Variants in KLHL18 observed in about 807,000 individuals in gnomAD.
KLHL18 encodes the protein kelch like family member 18.
A neutral mutation model predicts 58.5 loss-of-function variants in KLHL18; 38 were observed. The observed-to-expected ratio is 0.65, with a 90% CI of 0.50 to 0.85. The LOEUF (loss-of-function observed/expected upper bound fraction) is 0.85, where lower values mean the gene tolerates loss of function less well. KLHL18 is among the 40% of genes least tolerant of loss of function. KLHL18 has a pLI of 0.00. For synonymous variants in KLHL18, 303 were observed against 301.9 expected (o/e 1.00, Z -0.04); for missense variants, 624 against 778.4 (o/e 0.80, Z 2.36).
intron 8 of KLHL18, among the ~76,000 whole-genome samples, chr3:47,340,950 A>C (rs1252788094): frequency 2.0e-5 from 3 of 152,172 alleles, no homozygotes; most frequent in African/African-American, 4.8e-5. Context: ...TTTAATGGAA[A>C]TACAGGCAAG....
At chr3:47,316,296 G>C (rs747776534) in intron 1 of KLHL18, among the ~76,000 whole-genome samples, 4 of 151,748 alleles carry the variant, frequency 2.6e-5, no homozygotes, top group Admixed American at 6.6e-5. Context: ...CATACTTAGA[G>C]TTAGGATTCA....
intron 9 of KLHL18, 30 bp downstream of exon 9, chr3:47,342,860 T>C (rs753068537): frequency 2.7e-6 from 4 of 1,460,456 alleles, no homozygotes; most frequent in East Asian, 2.3e-5. Context: ...GGGATAAGGG[T>C]ACCTACTTCT....
rs539548204 is a variant in KLHL18 at position 47,340,507 on chromosome 3, TG to T, written c.1122-62del. The T allele has an allele frequency of 1.5e-5, 24 of 1,608,562 alleles. No homozygotes were observed. In the African/African-American group the frequency reaches 3.1e-4, roughly 21 times the overall value. ...GGCAATTGATAGGTTTGTTTCTCAG[TG>T]GGCAAGAGAGGCTGCTCCAGGAAGG... is the stretch of plus-strand genomic sequence containing the variant. On this transcript the variant is annotated intron_variant, in intron 7 of 9. Coordinates refer to ENST00000232766, the MANE Select transcript of KLHL18 (RefSeq NM_025010.5).
chr3:47,305,334 G>GT (rs397744565), intron 1 of KLHL18, among the ~76,000 whole-genome samples: 31,759 of 70,458 alleles, frequency 0.45, 8,369 homozygotes, highest in Non-Finnish European at 0.54. Context: ...ATTTTGTCAA[G>GT]TTTTTTTTTT....
intron 4 of KLHL18, among the ~76,000 whole-genome samples, chr3:47,332,059 C>T (rs1409375201): frequency 1.3e-5 from 2 of 152,074 alleles, no homozygotes; most frequent in Non-Finnish European, 2.9e-5. Context: ...AGGTTAGAAA[C>T]TTAAGGAAGG....
At chr3:47,310,850 C>T (rs1186502202) in intron 1 of KLHL18, among the ~76,000 whole-genome samples, 4 of 152,182 alleles carry the variant, frequency 2.6e-5, no homozygotes, top group Non-Finnish European at 4.4e-5. Flanking sequence ...CCCACTGCCA[C>T]CATCCAGGCC....
intron 1 of KLHL18, among the ~76,000 whole-genome samples, chr3:47,302,613 G>C (rs1209414465): frequency 6.6e-6 from 1 of 152,350 alleles, no homozygotes; most frequent in African/African-American, 2.4e-5. Context: ...AGGAGGAAGA[G>C]AAGGGTTGGT....
At position 47,316,734 on chromosome 3, in the gene KLHL18, T is replaced by TGTATATGTATATATGTGTATATATAC. The variant is rs1559495908; in HGVS notation, c.130-2919_130-2918insGTATATGTATATATGTGTATATATAC. Among the ~76,000 whole-genome samples the TGTATATGTATATATGTGTATATATAC allele has an allele frequency of 1.4e-3, 14 of 10,312 alleles. 6 individuals carry two copies. Among genetic ancestry groups the TGTATATGTATATATGTGTATATATAC allele is most frequent in the East Asian group, 6.1e-3 (3 of 494 alleles). 6.8% of individuals were successfully genotyped at this position (10,312 alleles called of 152,430 possible). A position where few individuals can be genotyped will look rare whatever the true frequency, so the allele number is the denominator to read the frequency against. On this transcript the variant is annotated intron_variant, in intron 1 of 9. Coordinates refer to ENST00000232766, the MANE Select transcript of KLHL18 (RefSeq NM_025010.5). The stretch of plus-strand genomic sequence containing the variant: ...ATATATGTATATGTGTGTGTATATA[T>TGTATATGTATATATGTGTATATATAC]ACATATATACGTATATATGTATATG...
At chr3:47,284,248 C>G (rs1018374570) in intron 1 of KLHL18, among the ~76,000 whole-genome samples, 1 of 151,584 alleles carries the variant, frequency 6.6e-6, no homozygotes, top group Admixed American at 6.6e-5. Context: ...TTCTCTCTGT[C>G]TCTCTCACAC....
chr3:47,331,786 T>A (rs1230663428), intron 4 of KLHL18, among the ~76,000 whole-genome samples: 1 of 151,100 alleles, frequency 6.6e-6, no homozygotes, highest in Non-Finnish European at 1.5e-5. Flanking sequence ...ATTTGACTGC[T>A]GTTGGGAGTT....
At chr3:47,326,618 G>C (rs979512303) in intron 3 of KLHL18, among the ~76,000 whole-genome samples, 2 of 152,134 alleles carry the variant, frequency 1.3e-5, no homozygotes, top group African/African-American at 4.8e-5. Flanking sequence ...GCCCAGTTCA[G>C]TTAAGAAGGT....
intron 1 of KLHL18, among the ~76,000 whole-genome samples, chr3:47,288,884 T>C (rs1270785576): frequency 6.6e-6 from 1 of 152,230 alleles, no homozygotes; most frequent in African/African-American, 2.4e-5. Flanking sequence ...TCATCCCTTC[T>C]TCCCAGCGTT....
At chr3:47,318,351 C>G (rs1703505531) in intron 1 of KLHL18, among the ~76,000 whole-genome samples, 1 of 152,174 alleles carries the variant, frequency 6.6e-6, no homozygotes, top group African/African-American at 2.4e-5. Context: ...ATATGGGCCT[C>G]TCTTAAGGAT....
At chr3:47,339,571 A>T (rs1704061600) in intron 7 of KLHL18, among the ~76,000 whole-genome samples, 1 of 152,224 alleles carries the variant, frequency 6.6e-6, no homozygotes, top group Admixed American at 6.5e-5. Flanking sequence ...GAGCTGTGGC[A>T]TCAGCCACTA....
At chr3:47,300,742 T>C (rs1703007769) in intron 1 of KLHL18, among the ~76,000 whole-genome samples, 1 of 149,938 alleles carries the variant, frequency 6.7e-6, no homozygotes, top group African/African-American at 2.5e-5. Context: ...CAGGTTCAAG[T>C]GATTCTCCAG....
In KLHL18 at chr3:47,342,821, C is replaced by T; in HGVS notation, c.1329C>T (p.Ile443=). The change falls in exon 9 of 10, where the codon ATC becomes ATT. Residue 443 remains isoleucine, a synonymous_variant. Coordinates refer to ENST00000232766, the MANE Select transcript of KLHL18 (RefSeq NM_025010.5). ...CAGGCGGCCATGATGGTTTGCAGAT[C>T]TTCAGCAGTGTGAGTCTGGGCTCCC... ...YVSGGHDGLQ[I]FSSVEHYNHH... is the part of the protein sequence containing the mutation. 1 of 1,613,008 alleles carries T rather than the reference C, an allele frequency of 6.2e-7. No homozygotes were observed. Among genetic ancestry groups the T allele is most frequent in the Non-Finnish European group, 8.5e-7 (1 of 1,178,940 alleles).
chr3:47,291,868 G>T (rs764015059), intron 1 of KLHL18, among the ~76,000 whole-genome samples: 39 of 152,216 alleles, frequency 2.6e-4, no homozygotes, highest in Non-Finnish European at 4.8e-4. Context: ...AAGTAACATA[G>T]AAGTTACTGT....
intron 1 of KLHL18, among the ~76,000 whole-genome samples, chr3:47,293,135 G>T (rs905293191): frequency 6.6e-6 from 1 of 152,138 alleles, no homozygotes; most frequent in Admixed American, 6.5e-5. Context: ...GGAGGAGGGG[G>T]AATGGAGAGT....
At chr3:47,313,564 G>A (rs1703354965) in intron 1 of KLHL18, among the ~76,000 whole-genome samples, 1 of 152,040 alleles carries the variant, frequency 6.6e-6, no homozygotes, top group African/African-American at 2.4e-5. Context: ...GTAATATCTT[G>A]CAAAACTATT....
Sources: gnomAD v4.1 joint callset for allele counts (sites outside exome capture counted in the v4.1 genomes callset) on GRCh38, gnomAD v4.1.1 for gene constraint, MANE v1.5 for transcripts, NCBI Gene and HGNC (gene_info 2026-07-23, HGNC 2026-07-21) for gene names.